RS1: variants seen among roughly 807,000 people sequenced by gnomAD.
The protein encoded by RS1 is retinoschisin 1, also known as retinoschisin.
Under a neutral mutation model 20.8 loss-of-function variants are expected in RS1, and 2 were observed. The ratio of observed to expected loss-of-function variants is 0.10; its 90% CI spans 0.04 to 0.30. The LOEUF is 0.30. Ranked by LOEUF, RS1 falls within the 10% of genes least tolerant of loss-of-function variation. The pLI is 1.00. For synonymous variants in RS1, 70 were observed against 75.8 expected, an observed-to-expected ratio of 0.92 and a Z score of 0.40; for missense variants, 151 against 189.8, an observed-to-expected ratio of 0.80 and a Z score of 1.20.
chrX:18,647,074 G>A lies in RS1; in HGVS notation c.326+117C>T, dbSNP rs868539750. On this transcript the variant is annotated intron_variant, in intron 4 of 5. Transcript: ENST00000379984. ...TGGGATTACAGGCACGTGCCACCAC[G>A]CCAGTTAATTTTTTGTATTTTTAGT... 81 of 840,868 alleles carry A rather than the reference G, an allele frequency of 9.6e-5. 1 individual carries two copies. The Middle Eastern group carries it at 2.5e-3, about 26-fold the overall frequency. 69.3% of individuals were successfully genotyped at this position (840,868 alleles called of 1,213,427 possible). A position where few individuals can be genotyped will look rare whatever the true frequency, so the allele number is the denominator to read the frequency against.
intron 3 of RS1, chrX:18,650,529 T>A: frequency 8.3e-7 from 1 of 1,211,810 alleles, no homozygotes; most frequent in South Asian, 1.8e-5. Flanking sequence ...CCGAGGCACT[T>A]CCATGTGCCC....
intron 3 of RS1, chrX:18,653,356 C>T: frequency 5.9e-6 from 7 of 1,178,856 alleles, no homozygotes; most frequent in East Asian, 3.1e-5. Flanking sequence ...GTGGGGGGCC[C>T]GGGCATTAGC....
intron 1 of RS1, among the ~76,000 whole-genome samples, chrX:18,670,666 C>G (rs1182658050): frequency 9.0e-6 from 1 of 111,300 alleles, no homozygotes; most frequent in Non-Finnish European, 1.9e-5. Flanking sequence ...GTCTGACAAC[C>G]AGGAGTATTT....
At chrX:18,658,780 T>TTCG (rs763690305) in intron 1 of RS1, among the ~76,000 whole-genome samples, 4 of 103,819 alleles carry the variant, frequency 3.9e-5, no homozygotes, top group Non-Finnish European at 5.9e-5. Flanking sequence ...TTATTAAATC[T>TTCG]TCATCATCAT....
intron 3 of RS1, among the ~76,000 whole-genome samples, chrX:18,649,041 CAAAAA>C (rs746581850): frequency 2.0e-5 from 1 of 50,823 alleles, no homozygotes. Context: ...GACACTGTCT[CAAAAA>C]AAAAAAAAAA....
chrX:18,656,586 TG>T, intron 3 of RS1, 66 bp downstream of exon 3: 1 of 865,893 alleles, frequency 1.2e-6, no homozygotes, highest in Non-Finnish European at 1.7e-6. Flanking sequence ...TTCAGCTGAG[TG>T]GGAAAAAGGA....
chrX:18,662,376 A>G (rs1928327291), intron 1 of RS1, among the ~76,000 whole-genome samples: 1 of 111,426 alleles, frequency 9.0e-6, no homozygotes. Context: ...ATATGTATAC[A>G]TGTGCCATGT....
chrX:18,645,742 AAAAT>A (rs1207615573), intron 4 of RS1, among the ~76,000 whole-genome samples: 1 of 111,178 alleles, frequency 9.0e-6, no homozygotes, highest in Non-Finnish European at 1.9e-5. Flanking sequence ...TCTTCGACTT[AAAAT>A]ATTTATCCGG....
chrX:18,657,790 G>T (rs1176781697), intron 1 of RS1, 125 bp from the exon 2 acceptor site: 1 of 571,225 alleles, frequency 1.8e-6, no homozygotes, highest in East Asian at 3.4e-5. Flanking sequence ...CCTTCTGGAA[G>T]AAGTCATGGT....
chrX:18,669,386 G>T (rs1368139236), intron 1 of RS1, among the ~76,000 whole-genome samples: 1 of 106,145 alleles, frequency 9.4e-6, no homozygotes, highest in African/African-American at 3.4e-5. Flanking sequence ...AGCCACTCGG[G>T]AGCCTGAGGC....
intron 1 of RS1, 40 bp downstream of exon 1, chrX:18,671,977 T>G (rs1028699372): frequency 9.3e-7 from 1 of 1,072,305 alleles, no homozygotes; most frequent in Non-Finnish European, 1.3e-6. Flanking sequence ...AAATTATGTA[T>G]TAAGTATGCA....
At chrX:18,642,264 G>C in intron 5 of RS1, 108 bp from the exon 6 acceptor site, 1 of 908,140 alleles carries the variant, frequency 1.1e-6, no homozygotes, top group Non-Finnish European at 1.6e-6. Context: ...TGATTAGGAA[G>C]TAGTTAAAGC....
Position 18,666,958 on chromosome X carries a change from C to T in RS1, c.52+5059G>A, listed in dbSNP as rs763909309. On this transcript the variant is annotated intron_variant, in intron 1 of 5. Transcript: ENST00000379984. ...TGTTTGGGACATAATGAATTTGAGA[C>T]GCCTAGGGGACACCCCAGTGTTGAA... Among the ~76,000 whole-genome samples, 11 of 110,990 alleles carry T rather than the reference C, an allele frequency of 9.9e-5. No homozygotes were observed. In the South Asian group the frequency reaches 1.9e-3, roughly 19 times the overall value.
At chrX:18,654,249 G>A (rs1027788332) in intron 3 of RS1, among the ~76,000 whole-genome samples, 10 of 107,068 alleles carry the variant, frequency 9.3e-5, no homozygotes, top group Non-Finnish European at 1.7e-4. Context: ...CAACCTCCAG[G>A]GCTCAAGCGA....
chrX:18,667,243 CAGTT>C (rs1266322518), intron 1 of RS1, among the ~76,000 whole-genome samples: 2 of 111,570 alleles, frequency 1.8e-5, no homozygotes, highest in Admixed American at 1.9e-4. Flanking sequence ...AGGGCCCTGT[CAGTT>C]AGGTCAACAT....
chrX:18,652,091 C>T lies in RS1; in HGVS notation c.184+4562G>A, dbSNP rs149053473. The stretch of plus-strand genomic sequence containing the variant: ...GGCATACTTCACTGCCATCTCCCCT[C>T]GCCTGCCTCCCTCCCCATTCTCCCC... On this transcript the variant is annotated intron_variant, in intron 3 of 5. Coordinates refer to ENST00000379984, the MANE Select transcript of RS1 (RefSeq NM_000330.4). Among the ~76,000 whole-genome samples, 32 of 111,116 alleles carry T rather than the reference C, an allele frequency of 2.9e-4. 1 individual carries two copies. In the East Asian group the frequency reaches 9.1e-3, roughly 32 times the overall value.
intron 3 of RS1, among the ~76,000 whole-genome samples, chrX:18,654,608 T>A (rs994898035): frequency 9.0e-6 from 1 of 111,335 alleles, no homozygotes; most frequent in Non-Finnish European, 1.9e-5. Flanking sequence ...ATGGGTGAAT[T>A]GAGTTATAAA....
At chrX:18,665,883 CAAAAAAAA>C (rs55857132) in intron 1 of RS1, among the ~76,000 whole-genome samples, 1 of 34,866 alleles carries the variant, frequency 2.9e-5, no homozygotes, top group East Asian at 1.1e-3. Context: ...GACCCTGTCT[CAAAAAAAA>C]AAAAAAAAAA....
chrX:18,653,064 T>C (rs772849803), intron 3 of RS1, among the ~76,000 whole-genome samples: 90 of 112,546 alleles, frequency 8.0e-4, no homozygotes, highest in African/African-American at 2.8e-3. Context: ...CTTGAATATA[T>C]GTGACAATAT....
Sources: gnomAD v4.1 joint callset for allele counts (sites outside exome capture counted in the v4.1 genomes callset) on GRCh38, gnomAD v4.1.1 for gene constraint, MANE v1.5 for transcripts, NCBI Gene and HGNC (gene_info 2026-07-23, HGNC 2026-07-21) for gene names.